RABGAP1L: variants seen among roughly 807,000 people sequenced by gnomAD.
RABGAP1L encodes RAB GTPase activating protein 1 like, also known as rab GTPase-activating protein 1-like.
In RABGAP1L, 63 loss-of-function variants were observed where a neutral mutation model predicts 137.7. That is an observed-to-expected ratio of 0.46 (90% CI 0.37 to 0.56). The LOEUF is 0.56. Among genes scored for constraint, RABGAP1L ranks in the 20% least tolerant of loss-of-function variants. The pLI is 0.00. For synonymous variants in RABGAP1L, 431 were observed against 433.7 expected, an observed-to-expected ratio of 0.99 and a Z score of 0.08; for missense variants, 1,095 against 1,244.0, an observed-to-expected ratio of 0.88 and a Z score of 1.80.
At chr1:174,523,762 C>G (rs1663628395) in intron 13 of RABGAP1L, among the ~76,000 whole-genome samples, 1 of 152,060 alleles carries the variant, frequency 6.6e-6, no homozygotes, top group African/African-American at 2.4e-5. Flanking sequence ...TGTACCCATT[C>G]ATTGACCTCT....
chr1:174,273,595 C>T (rs1674735978), intron 8 of RABGAP1L, among the ~76,000 whole-genome samples: 2 of 150,906 alleles, frequency 1.3e-5, no homozygotes, highest in African/African-American at 2.4e-5. Context: ...GTGGTTTTAC[C>T]TAAGGCAAGC....
chr1:174,241,197 GT>G (rs1254414033), intron 4 of RABGAP1L, among the ~76,000 whole-genome samples: 1 of 152,062 alleles, frequency 6.6e-6, no homozygotes, highest in Non-Finnish European at 1.5e-5. Context: ...GCAGGCACCT[GT>G]TATCCCAGGT....
intron 17 of RABGAP1L, among the ~76,000 whole-genome samples, chr1:174,727,626 A>G (rs534489974): frequency 1.6e-4 from 25 of 152,362 alleles, no homozygotes; most frequent in Non-Finnish European, 2.8e-4. Context: ...TAGGGTGACT[A>G]TAGTCAACAA....
chr1:174,763,719 T>C (rs1685436081), intron 18 of RABGAP1L, among the ~76,000 whole-genome samples: 1 of 125,688 alleles, frequency 8.0e-6, no homozygotes, highest in Non-Finnish European at 1.6e-5. Context: ...GTGCCTGTAG[T>C]CCCAGCTATG....
chr1:174,456,764 G>T (rs946858955), intron 13 of RABGAP1L, among the ~76,000 whole-genome samples: 1 of 152,070 alleles, frequency 6.6e-6, no homozygotes, highest in Non-Finnish European at 1.5e-5. Context: ...GTCTGTATCA[G>T]TTGAATAAAA....
intron 14 of RABGAP1L, among the ~76,000 whole-genome samples, chr1:174,668,180 A>G (rs529905203): frequency 6.6e-6 from 1 of 152,340 alleles, no homozygotes; most frequent in Admixed American, 6.5e-5. Context: ...TGTAGGCATC[A>G]TGCTGTACAG....
rs531917574 is a variant in RABGAP1L, at chr1:174,308,710, T to C, written c.1465+3583T>C. 2.0e-5 allele frequency among the ~76,000 whole-genome samples: 3 copies of C among 152,060 alleles called. No homozygotes were observed. The East Asian group carries it at 5.8e-4, about 29-fold the overall frequency. On this transcript the variant is annotated intron_variant, in intron 11 of 25. Coordinates refer to ENST00000681986, the MANE Select transcript of RABGAP1L (RefSeq NM_001366446.1). ...TCTAAATACATGGAATTATTTCTGT[T>C]CTGTTTATCCCATTGGTCTATATGT...
chr1:174,877,535 A>G (rs1653340112), intron 19 of RABGAP1L: 2 of 1,613,916 alleles, frequency 1.2e-6, no homozygotes, highest in East Asian at 2.2e-5. Context: ...TATGACGCCC[A>G]TGTTTTCAGC....
chr1:174,733,486 G>A (rs1682681110), intron 17 of RABGAP1L, among the ~76,000 whole-genome samples: 1 of 152,106 alleles, frequency 6.6e-6, no homozygotes. Context: ...CCTCTTTCAG[G>A]CAAAACTGCT....
chr1:174,781,280 T>C (rs993817878), intron 18 of RABGAP1L, among the ~76,000 whole-genome samples: 2 of 152,222 alleles, frequency 1.3e-5, no homozygotes, highest in African/African-American at 4.8e-5. Context: ...TGTGAGATGA[T>C]ATCTCATTGT....
At chr1:174,922,861 T>C (rs558080656) in intron 19 of RABGAP1L, among the ~76,000 whole-genome samples, 1 of 152,324 alleles carries the variant, frequency 6.6e-6, no homozygotes, top group African/African-American at 2.4e-5. Flanking sequence ...TGATTTCCTG[T>C]TCTATAAAAT....
chr1:174,900,246 T>A (rs1159440844), intron 19 of RABGAP1L, among the ~76,000 whole-genome samples: 5 of 152,196 alleles, frequency 3.3e-5, no homozygotes, highest in Non-Finnish European at 5.9e-5. Flanking sequence ...ACGGATTTAC[T>A]GAAAACAAAA....
intron 14 of RABGAP1L, among the ~76,000 whole-genome samples, chr1:174,680,353 C>T (rs555707829): frequency 1.3e-5 from 2 of 152,180 alleles, no homozygotes; most frequent in Non-Finnish European, 2.9e-5. Context: ...TCTTGTTTGC[C>T]CCTTCCACTA....
intron 13 of RABGAP1L, among the ~76,000 whole-genome samples, chr1:174,523,344 C>CT (rs967536089): frequency 1.3e-5 from 2 of 151,110 alleles, no homozygotes; most frequent in Non-Finnish European, 3.0e-5. Flanking sequence ...CAGCATTTGA[C>CT]TTTTTTTTAG....
intron 14 of RABGAP1L, among the ~76,000 whole-genome samples, chr1:174,667,081 A>C (rs550566643): frequency 2.6e-5 from 4 of 152,050 alleles, no homozygotes; most frequent in Admixed American, 6.6e-5. Context: ...TATTAAGCCT[A>C]TCAACTCTCT....
rs748971722 is a variant in RABGAP1L, at chr1:174,892,896, ATTTTTTTT to A, written c.2341-64543_2341-64536del. Among the ~76,000 whole-genome samples the A allele has an allele frequency of 2.7e-3, 251 of 91,884 alleles. 1 individual carries two copies. Among genetic ancestry groups the A allele is most frequent in the African/African-American group, 0.011 (217 of 20,236 alleles). The allele number at this position is 91,884 out of a possible 152,430, so 60.3% of individuals were successfully genotyped here. A position where few individuals can be genotyped will look rare whatever the true frequency, so the allele number is the denominator to read the frequency against. On this transcript the variant is annotated intron_variant, in intron 19 of 25. Transcript: ENST00000681986. ...AGGCGCCCGCCACCTCACCCAGCTA[ATTTTTTTT>A]TTTTTTTTTTTTTTTTTGTATTTTT...
intron 19 of RABGAP1L, chr1:174,849,823 T>C (rs927765822): frequency 5.4e-6 from 3 of 552,246 alleles, no homozygotes; most frequent in Non-Finnish European, 1.1e-5. Flanking sequence ...GCTTCTACAA[T>C]GGAAATTTTG....
chr1:174,599,386 G>A (rs1199346155), intron 13 of RABGAP1L, among the ~76,000 whole-genome samples: 1 of 152,174 alleles, frequency 6.6e-6, no homozygotes, highest in South Asian at 2.1e-4. Flanking sequence ...CACTGTTACA[G>A]TGTTATCATA....
chr1:174,170,564 G>A (rs974115319), intron 1 of RABGAP1L, among the ~76,000 whole-genome samples: 2 of 151,358 alleles, frequency 1.3e-5, no homozygotes, highest in African/African-American at 4.9e-5. Flanking sequence ...AATCCCAGCT[G>A]CTCGGGAGGC....
Sources: gnomAD v4.1 joint callset for allele counts (sites outside exome capture counted in the v4.1 genomes callset) on GRCh38, gnomAD v4.1.1 for gene constraint, MANE v1.5 for transcripts, NCBI Gene and HGNC (gene_info 2026-07-23, HGNC 2026-07-21) for gene names.